Variants in TBC1D19 observed in about 807,000 individuals in gnomAD.
The protein encoded by TBC1D19 is TBC1 domain family member 19.
Under a neutral mutation model 89.0 loss-of-function variants are expected in TBC1D19, and 60 were observed. That is an observed-to-expected ratio of 0.67 (90% confidence interval 0.55 to 0.84). The LOEUF (loss-of-function observed/expected upper bound fraction) is 0.84, where lower values mean the gene tolerates loss of function less well. Ranked by LOEUF, TBC1D19 falls within the 40% of genes least tolerant of loss-of-function variation. The probability of loss-of-function intolerance (pLI) is 0.00; values close to 1 mark genes in which losing one functional copy is unlikely to be tolerated. For missense variants in TBC1D19, 500 were observed against 610.8 expected (o/e 0.82, Z 1.91); for synonymous variants, 189 against 199.7 (o/e 0.95, Z 0.45).
the TBC1D19 span, among the ~76,000 whole-genome samples, chr4:26,847,595 G>A: frequency 6.6e-6 from 1 of 152,198 alleles, no homozygotes; most frequent in African/African-American, 2.4e-5. Context: ...AAAGGTATCT[G>A]GGGCCAGATC....
rs1711805133 is a variant in TBC1D19 at position 26,666,348 on chromosome 4, G to A, written c.607G>A (p.Glu203Lys). The change falls in exon 9 of 21, where the codon GAA becomes AAA. Residue 203 changes from glutamate (E) to lysine (K), a missense_variant. By Grantham distance (56) the Glu-to-Lys change is moderately conservative. Coordinates refer to ENST00000264866, the MANE Select transcript of TBC1D19 (RefSeq NM_018317.4). ...DIPELKECFV[E>K]LGLNIGQLGI... The stretch of plus-strand genomic sequence containing the variant: ...TATTTTTCAGAAAGAATGCTTTGTG[G>A]AACTTGGCTTAAATATAGGACAACT... 1.2e-6 allele frequency: 2 copies of A among 1,610,608 alleles called. No homozygotes were observed. Among genetic ancestry groups the A allele is most frequent in the South Asian group, 2.2e-5 (2 of 90,628 alleles).
Position 26,584,125 on chromosome 4 carries a change from G to A in TBC1D19, c.-69G>A. 1 of 1,503,272 alleles carries A rather than the reference G, an allele frequency of 6.7e-7. No individual in the cohort carries two copies. The highest frequency in any genetic ancestry group is 9.1e-7 in the Non-Finnish European group (1 of 1,097,882). 93.1% of individuals were successfully genotyped at this position (1,503,272 alleles called of 1,614,324 possible). A position where few individuals can be genotyped will look rare whatever the true frequency, so the allele number is the denominator to read the frequency against. Reference sequence around the variant, plus strand: ...GGAGAAGTGTCACTGGCCCTGAGTGGGACCCGGTAGCCCGTTCGCTCCGCG... The same window carrying A: ...GGAGAAGTGTCACTGGCCCTGAGTGAGACCCGGTAGCCCGTTCGCTCCGCG... On this transcript the variant is annotated 5_prime_UTR_variant, in exon 1 of 21. Coordinates refer to ENST00000264866, the MANE Select transcript of TBC1D19 (RefSeq NM_018317.4).
the TBC1D19 span, among the ~76,000 whole-genome samples, chr4:26,813,655 T>C: frequency 6.6e-6 from 1 of 152,158 alleles, no homozygotes; most frequent in Non-Finnish European, 1.5e-5. Flanking sequence ...CCTGTACAAA[T>C]TATGTTTAAC....
intron 13 of TBC1D19, among the ~76,000 whole-genome samples, chr4:26,706,016 A>T (rs1261691961): frequency 6.6e-6 from 1 of 152,102 alleles, no homozygotes; most frequent in Non-Finnish European, 1.5e-5. Flanking sequence ...GGCCTCAAGC[A>T]ATTCTCTTGC....
chr4:26,697,321 G>T (rs1435506391), intron 13 of TBC1D19, among the ~76,000 whole-genome samples: 1 of 152,150 alleles, frequency 6.6e-6, no homozygotes, highest in Non-Finnish European at 1.5e-5. Flanking sequence ...GGAAGAAGTT[G>T]AATCTCTGAA....
the TBC1D19 span, among the ~76,000 whole-genome samples, chr4:26,808,271 C>T: frequency 5.9e-5 from 9 of 152,248 alleles, no homozygotes; most frequent in Middle Eastern, 3.4e-3. Context: ...AAAGTGATGA[C>T]GTACACAAGT....
At chr4:26,777,089 G>A in the TBC1D19 span, among the ~76,000 whole-genome samples, 1 of 150,882 alleles carries the variant, frequency 6.6e-6, no homozygotes, top group Non-Finnish European at 1.5e-5. Context: ...GCTGGGACAG[G>A]CCACTTTATA....
chr4:26,649,177 T>G (rs1442377846), intron 7 of TBC1D19, among the ~76,000 whole-genome samples: 1 of 152,054 alleles, frequency 6.6e-6, no homozygotes, highest in Non-Finnish European at 1.5e-5. Context: ...ACTATTTATA[T>G]TTATAGTGTC....
the TBC1D19 span, among the ~76,000 whole-genome samples, chr4:26,842,343 T>TC: frequency 2.5e-5 from 2 of 79,430 alleles, no homozygotes; most frequent in Non-Finnish European, 5.6e-5. Flanking sequence ...TTCTTTTCTT[T>TC]TTTTTTTTTT....
the TBC1D19 span, among the ~76,000 whole-genome samples, chr4:26,819,212 G>A: frequency 1.6e-3 from 240 of 152,276 alleles, no homozygotes; most frequent in African/African-American, 5.6e-3. Flanking sequence ...CTTTCACCTG[G>A]GGTGTCTGTT....
chr4:26,609,609 T>A (rs1428787562), intron 1 of TBC1D19, among the ~76,000 whole-genome samples: 4 of 152,090 alleles, frequency 2.6e-5, no homozygotes, highest in Non-Finnish European at 5.9e-5. Context: ...GAGAAGAGGA[T>A]GTTGTTAACT....
rs533150265 is a variant in TBC1D19 at position 26,733,454 on chromosome 4, T to C, written c.1085-2001T>C. On this transcript the variant is annotated intron_variant, in intron 15 of 20. Coordinates refer to ENST00000264866, the MANE Select transcript of TBC1D19 (RefSeq NM_018317.4). ...AAGCTTAGAGAAGTTAAGAGACATA[T>C]GCAAAGACACACACACACACACACA... Among the ~76,000 whole-genome samples the C allele has an allele frequency of 6.5e-4, 51 of 78,198 alleles. No homozygotes were observed. In the East Asian group the frequency reaches 0.019, roughly 28 times the overall value. 51.3% of individuals were successfully genotyped at this position (78,198 alleles called of 152,430 possible).
the TBC1D19 span, among the ~76,000 whole-genome samples, chr4:26,798,591 C>T: frequency 6.6e-6 from 1 of 151,884 alleles, no homozygotes; most frequent in African/African-American, 2.4e-5. Context: ...AAAAGTCACC[C>T]GCATTCATAT....
At chr4:26,669,331 A>G (rs1712081870) in intron 9 of TBC1D19, among the ~76,000 whole-genome samples, 1 of 151,862 alleles carries the variant, frequency 6.6e-6, no homozygotes, top group Non-Finnish European at 1.5e-5. Context: ...TTCTTAAGAT[A>G]CACAGTGTAT....
At chr4:26,837,246 T>A in the TBC1D19 span, among the ~76,000 whole-genome samples, 2 of 152,100 alleles carry the variant, frequency 1.3e-5, no homozygotes, top group African/African-American at 4.8e-5. Flanking sequence ...TGGTAAGCAA[T>A]AGAGATTCAC....
chr4:26,804,336 G>A, the TBC1D19 span, among the ~76,000 whole-genome samples: 1 of 152,124 alleles, frequency 6.6e-6, no homozygotes, highest in Non-Finnish European at 1.5e-5. Context: ...AGTAGAGACG[G>A]GGTTTCACCA....
chr4:26,742,417 T>C, intron 17 of TBC1D19, 91 bp from the exon 18 acceptor site: 3 of 1,071,712 alleles, frequency 2.8e-6, no homozygotes, highest in Non-Finnish European at 4.0e-6. Context: ...ATGTTGATAG[T>C]TTCTCATTTT....
the TBC1D19 span, among the ~76,000 whole-genome samples, chr4:26,797,047 G>C: frequency 6.6e-6 from 1 of 152,136 alleles, no homozygotes; most frequent in South Asian, 2.1e-4. Flanking sequence ...TCAGGCAAGA[G>C]AAAGAAATAA....
At chr4:26,723,514 C>T (rs1386781817) in intron 15 of TBC1D19, among the ~76,000 whole-genome samples, 6 of 152,122 alleles carry the variant, frequency 3.9e-5, no homozygotes, top group Non-Finnish European at 8.8e-5. Context: ...ACCACTACCC[C>T]CAACATGCCT....
Sources: allele counts gnomAD v4.1 joint callset (sites outside exome capture counted in the v4.1 genomes callset), GRCh38; gene constraint gnomAD v4.1.1; transcripts MANE v1.5; gene names NCBI Gene and HGNC (gene_info 2026-07-23, HGNC 2026-07-21).